Variants in LAX1 observed in about 807,000 individuals in gnomAD.
The protein encoded by LAX1 is lymphocyte transmembrane adapter 1.
Under a neutral mutation model 20.7 loss-of-function variants are expected in LAX1, and 17 were observed. That is an observed-to-expected ratio of 0.82 (90% CI 0.56 to 1.23). The LOEUF (loss-of-function observed/expected upper bound fraction) is 1.23. Ranked by LOEUF, LAX1 falls within the 50% of genes most tolerant of loss-of-function variation. The pLI, the probability that LAX1 is intolerant of heterozygous loss-of-function variation, is 0.00. For missense variants in LAX1, 470 were observed against 487.0 expected, an observed-to-expected ratio of 0.97 and a Z score of 0.33; for synonymous variants, 165 against 181.0, an observed-to-expected ratio of 0.91 and a Z score of 0.71.
intron 1 of LAX1, among the ~76,000 whole-genome samples, chr1:203,770,569 G>GAAAGAAAGAAAGAAAGAA (rs749562137): frequency 6.6e-6 from 1 of 151,034 alleles, no homozygotes; most frequent in Non-Finnish European, 1.5e-5. Context: ...AAGAAAGAAA[G>GAAAGAAAGAAAGAAAGAA]AGATTAATAA....
At chr1:203,769,666 A>C (rs1667369912) in intron 1 of LAX1, 1 of 151,840 alleles carries the variant, frequency 6.6e-6, no homozygotes, top group South Asian at 2.1e-4. Context: ...AAAACCGAGC[A>C]GTGACGCCAG....
chr1:203,770,459 A>AGAGAGAG lies in LAX1; in HGVS notation c.90-369_90-368insGAGAGAG, dbSNP rs56340969. ...AGAGAGAGAGAGAGAGAGAGAAAGG[A>AGAGAGAG]AGGAAGGAAGGAAGGAAGGAAGGAA... On this transcript the variant is annotated intron_variant, in intron 1 of 4. Transcript: ENST00000442561. 3.6e-3 allele frequency among the ~76,000 whole-genome samples: 38 copies of AGAGAGAG among 10,446 alleles called. 3 individuals carry two copies. Among genetic ancestry groups the AGAGAGAG allele is most frequent in the South Asian group, 0.019 (3 of 158 alleles). The allele number at this position is 10,446 out of a possible 152,430, so 6.9% of individuals were successfully genotyped here. A position where few individuals can be genotyped will look rare whatever the true frequency, so the allele number is the denominator to read the frequency against.
chr1:203,769,089 T>G (rs544316911), intron 1 of LAX1, among the ~76,000 whole-genome samples: 3 of 152,094 alleles, frequency 2.0e-5, no homozygotes. Flanking sequence ...TTAGAAATGC[T>G]CACTAGAAAC....
intron 1 of LAX1, among the ~76,000 whole-genome samples, chr1:203,770,513 GAAA>G (rs1667398896): frequency 1.5e-4 from 15 of 100,568 alleles, no homozygotes; most frequent in East Asian, 5.1e-4. Context: ...AAGGAAGGAA[GAAA>G]GAAAGAAAGA....
At chr1:203,768,601 C>G (rs753065023) in intron 1 of LAX1, among the ~76,000 whole-genome samples, 3 of 152,134 alleles carry the variant, frequency 2.0e-5, no homozygotes, top group African/African-American at 2.4e-5. Flanking sequence ...CAGAGGTAAG[C>G]AGAGGCCAGA....
chr1:203,769,446 A>AAAGAAAGG (rs1667364447), intron 1 of LAX1, among the ~76,000 whole-genome samples: 1 of 104,002 alleles, frequency 9.6e-6, no homozygotes, highest in Non-Finnish European at 2.4e-5. Flanking sequence ...AGAAAGAAGG[A>AAAGAAAGG]AAGAAAGAAA....
intron 1 of LAX1, among the ~76,000 whole-genome samples, chr1:203,766,468 ACT>A (rs1476426803): frequency 6.6e-6 from 1 of 152,100 alleles, no homozygotes; most frequent in African/African-American, 2.4e-5. Context: ...CAAAAGCGAA[ACT>A]CTGTCTCAAA....
intron 4 of LAX1, 105 bp from the exon 5 acceptor site, chr1:203,773,756 CTTTTTTTTTTTTTT>C (rs10714327): frequency 1.9e-4 from 38 of 200,660 alleles, no homozygotes; most frequent in Middle Eastern, 2.0e-3. Flanking sequence ...TGTTGCTCTT[CTTTTTTTTTTTTTT>C]TTTTTTTTTT....
At position 203,775,445 on chromosome 1, in the gene LAX1, TGAA is replaced by T. The variant is rs1667496194; in HGVS notation, c.*771_*773del. 1 of 151,904 alleles carries T rather than the reference TGAA, an allele frequency of 6.6e-6. No homozygotes were observed. Among genetic ancestry groups the T allele is most frequent in the Non-Finnish European group, 1.5e-5 (1 of 67,986 alleles). 9.4% of individuals were successfully genotyped at this position (151,904 alleles called of 1,614,324 possible). The stretch of plus-strand genomic sequence containing the variant: ...GTGGGCAACCAAATGTAGGTAAGGA[TGAA>T]GAAGAACAGGAACTCTCACTGGTGG... On this transcript the variant is annotated 3_prime_UTR_variant, in exon 5 of 5. Coordinates refer to ENST00000442561, the MANE Select transcript of LAX1 (RefSeq NM_017773.4).
rs150320868 is a variant in LAX1 at position 203,765,739 on chromosome 1, A to G, written c.89+85A>G. ...CACCCTTAGGAGCTTCTTACACAGC[A>G]GTGCTGCCACCTCTCAACACCCAGG... On this transcript the variant is annotated intron_variant, in intron 1 of 4. Coordinates refer to ENST00000442561, the MANE Select transcript of LAX1 (RefSeq NM_017773.4). 4,136 of 1,266,238 alleles carry G rather than the reference A, an allele frequency of 3.3e-3. 101 individuals carry two copies. The Admixed American group carries it at 0.051, about 16-fold the overall frequency. 78.4% of individuals were successfully genotyped at this position (1,266,238 alleles called of 1,614,324 possible).
rs776133354 is a variant in LAX1 at position 203,765,374 on chromosome 1, C to T, written c.-192C>T. On this transcript the variant is annotated 5_prime_UTR_variant, in exon 1 of 5. Coordinates refer to ENST00000442561, the MANE Select transcript of LAX1 (RefSeq NM_017773.4). Reference sequence around the variant, plus strand: ...TCGCACTTCCTGCAGTGGGCATTAGCCACGTCCAGGTAGAACCAAACCTGT... The same window carrying T: ...TCGCACTTCCTGCAGTGGGCATTAGTCACGTCCAGGTAGAACCAAACCTGT... The T allele has an allele frequency of 1.2e-5, 18 of 1,551,734 alleles. No individual in the cohort carries two copies. In the South Asian group the frequency reaches 2.0e-4, roughly 17 times the overall value.
chr1:203,768,239 A>C (rs1402315253), intron 1 of LAX1, among the ~76,000 whole-genome samples: 2 of 151,978 alleles, frequency 1.3e-5, no homozygotes, highest in African/African-American at 4.8e-5. Flanking sequence ...TGGACCCAGG[A>C]GGGGGAGGTT....
chr1:203,770,483 AAGGAAGGAAGGAAGG>A (rs1667393143), intron 1 of LAX1, among the ~76,000 whole-genome samples: 4 of 68,484 alleles, frequency 5.8e-5, no homozygotes, highest in African/African-American at 1.6e-4. Flanking sequence ...GGAAGGAAGG[AAGGAAGGAAGGAAGG>A]AAGGAAGGAA....
chr1:203,770,893 T>A lies in LAX1; in HGVS notation c.155T>A (p.Val52Asp). The A allele has an allele frequency of 6.2e-7, 1 of 1,614,222 alleles. No individual in the cohort carries two copies. The highest frequency in any genetic ancestry group is 8.5e-7 in the Non-Finnish European group (1 of 1,180,030). ...FAGLLAILLV[V>D]AVFCILWNWN... is the part of the protein sequence containing the mutation. ...GGACTCCTCGCCATCCTCCTGGTCG[T>A]TGCGGTTTTCTGCATCTTGTGGAAT... Residue 52 changes from valine to aspartate, a missense_variant, in exon 2 of 5, where the codon GTT becomes GAT. Transcript: ENST00000442561.
intron 1 of LAX1, among the ~76,000 whole-genome samples, chr1:203,766,518 G>A (rs183022304): frequency 6.6e-6 from 1 of 152,216 alleles, no homozygotes; most frequent in Non-Finnish European, 1.5e-5. Flanking sequence ...GGAAATAAAT[G>A]TTATTATCAT....
chr1:203,770,752 A>G, intron 1 of LAX1, 76 bp from the exon 2 acceptor site: 3 of 1,213,222 alleles, frequency 2.5e-6, no homozygotes, highest in Non-Finnish European at 3.7e-6. Context: ...TTCAGGCTCT[A>G]ACTCCAAAAG....
chr1:203,767,713 A>G (rs1667327847), intron 1 of LAX1, among the ~76,000 whole-genome samples: 1 of 152,192 alleles, frequency 6.6e-6, no homozygotes, highest in South Asian at 2.1e-4. Flanking sequence ...TTATTAATTC[A>G]TTCATTTAAC....
chr1:203,770,565 G>GAAAGAAAGAAAGAAAGAAAGA (rs1388942670), intron 1 of LAX1, among the ~76,000 whole-genome samples: 1 of 151,092 alleles, frequency 6.6e-6, no homozygotes, highest in Non-Finnish European at 1.5e-5. Context: ...AAGAAAGAAA[G>GAAAGAAAGAAAGAAAGAAAGA]AAAGAGATTA....
At chr1:203,770,565 G>GAAAGAAAGA (rs1388942670) in intron 1 of LAX1, among the ~76,000 whole-genome samples, 1 of 151,092 alleles carries the variant, frequency 6.6e-6, no homozygotes, top group African/African-American at 2.4e-5. Flanking sequence ...AAGAAAGAAA[G>GAAAGAAAGA]AAAGAGATTA....
Sources: allele counts gnomAD v4.1 joint callset (sites outside exome capture counted in the v4.1 genomes callset), GRCh38; gene constraint gnomAD v4.1.1; transcripts MANE v1.5; gene names NCBI Gene and HGNC (gene_info 2026-07-23, HGNC 2026-07-21).